The following FDFT1 variants were observed in gnomAD, a reference collection of about 807,000 sequenced individuals.
The protein encoded by FDFT1 is farnesyl-diphosphate farnesyltransferase 1.
In FDFT1, 68 loss-of-function variants were observed where a neutral mutation model predicts 46.8. The observed-to-expected ratio is 1.45, with a 90% CI of 1.19 to 1.78. The LOEUF (loss-of-function observed/expected upper bound fraction) is 1.78, where lower values mean the gene tolerates loss of function less well. FDFT1 is among the 40% of genes most tolerant of loss of function. FDFT1 has a pLI of 0.00. For synonymous variants in FDFT1, 351 were observed against 185.1 expected, an observed-to-expected ratio of 1.90 and a Z score of -7.28; for missense variants, 928 against 524.4, an observed-to-expected ratio of 1.77 and a Z score of -7.52.
At chr8:11,817,446 G>C (rs147435483) in intron 3 of FDFT1, among the ~76,000 whole-genome samples, 4 of 152,198 alleles carry the variant, frequency 2.6e-5, no homozygotes, top group Non-Finnish European at 4.4e-5. Context: ...AATGGTACCA[G>C]CTCCTCTTTG....
chr8:11,803,519 G>A (rs1470159310), intron 1 of FDFT1: 4 of 1,206,402 alleles, frequency 3.3e-6, no homozygotes, highest in Admixed American at 3.3e-5. Context: ...TTGGTGGAAG[G>A]TCAGAACTTG....
upstream of FDFT1, chr8:11,802,202 T>A: frequency 2.4e-6 from 1 of 418,492 alleles, no homozygotes; most frequent in Non-Finnish European, 4.7e-6. Context: ...TGTGCTCGGG[T>A]GTGTTACAGT....
chr8:11,820,702 C>G (rs1222719513), intron 3 of FDFT1, among the ~76,000 whole-genome samples: 1 of 152,238 alleles, frequency 6.6e-6, no homozygotes, highest in Non-Finnish European at 1.5e-5. Context: ...ATCACCTGCT[C>G]TGCCAGTTGC....
rs1301219581 is a variant in FDFT1, at chr8:11,831,921, G to A, written c.1032+251G>A. On this transcript the variant is annotated intron_variant, in intron 7 of 7. Coordinates refer to ENST00000220584, the MANE Select transcript of FDFT1 (RefSeq NM_004462.5). The stretch of plus-strand genomic sequence containing the variant: ...GGCTGTAGGTTGGAGCCCCTCAGTA[G>A]AATCATAGATTTTGAGCTGCAAGAT... 34 of 365,418 alleles carry A rather than the reference G, an allele frequency of 9.3e-5. No individual in the cohort carries two copies. In the Admixed American group the frequency reaches 1.3e-3, roughly 14 times the overall value. The allele number at this position is 365,418 out of a possible 1,614,324, so 22.6% of individuals were successfully genotyped here.
At chr8:11,834,773 C>T (rs1225198921) in intron 7 of FDFT1, among the ~76,000 whole-genome samples, 1 of 152,176 alleles carries the variant, frequency 6.6e-6, no homozygotes. Flanking sequence ...CTGTATGTAG[C>T]ACAGCATTGC....
intron 3 of FDFT1, among the ~76,000 whole-genome samples, chr8:11,818,436 GATCT>G (rs1441409141): frequency 6.6e-6 from 1 of 152,128 alleles, no homozygotes; most frequent in East Asian, 1.9e-4. Flanking sequence ...TTGTCTTGTT[GATCT>G]ATCTAATATT....
intron 4 of FDFT1, among the ~76,000 whole-genome samples, 194 bp downstream of exon 4, chr8:11,822,072 A>G (rs921451608): frequency 6.6e-6 from 1 of 152,220 alleles, no homozygotes; most frequent in Non-Finnish European, 1.5e-5. Flanking sequence ...TATGTAGGAT[A>G]TCAGCCAGGC....
chr8:11,837,816 T>C (rs1429580792), intron 7 of FDFT1, among the ~76,000 whole-genome samples: 1 of 152,054 alleles, frequency 6.6e-6, no homozygotes, highest in Non-Finnish European at 1.5e-5. Flanking sequence ...TCTCAGGCAG[T>C]AATTTTAGGG....
intron 5 of FDFT1, 23 bp from the exon 6 acceptor site, chr8:11,830,221 C>G (rs562183536): frequency 3.1e-6 from 5 of 1,598,576 alleles, no homozygotes; most frequent in Non-Finnish European, 3.4e-6. Context: ...CTGACCTGTT[C>G]CTTAATCTTC....
rs1316443317 is a variant in FDFT1, at chr8:11,809,824, C to T, written c.355C>T (p.Arg119Cys). The T allele has an allele frequency of 4.3e-6, 7 of 1,613,710 alleles. No homozygotes were observed. The highest frequency in any genetic ancestry group is 5.9e-6 in the Non-Finnish European group (7 of 1,179,780). Residue 119 changes from arginine to cysteine, a missense_variant, in exon 3 of 8, where the codon CGC (arginine) becomes TGC (cysteine). Physicochemically the swap from Arg to Cys is radical, Grantham distance 180 (BLOSUM62 -3). Transcript: ENST00000220584. ...WRFMESKEKD[R>C]QVLEDFPTIS... ...GTTCATGGAGAGCAAGGAGAAGGATCGCCAGGTGCTGGAGGACTTCCCAAC... is the reference window on the plus strand; with the variant it reads ...GTTCATGGAGAGCAAGGAGAAGGATTGCCAGGTGCTGGAGGACTTCCCAAC...
At chr8:11,803,723 ATG>A (rs1806444214) in intron 1 of FDFT1, 1 of 214,904 alleles carries the variant, frequency 4.7e-6, no homozygotes, top group East Asian at 1.4e-4. Flanking sequence ...ACAGTAGCAA[ATG>A]TGACTCAGGC....
chr8:11,801,477 G>T (rs972124616), upstream of FDFT1, among the ~76,000 whole-genome samples: 2 of 152,032 alleles, frequency 1.3e-5, no homozygotes, highest in Admixed American at 6.5e-5. Flanking sequence ...CTGCCACCAT[G>T]CCTGGCTAAT....
At chr8:11,822,939 T>A (rs534010802) in intron 4 of FDFT1, among the ~76,000 whole-genome samples, 16 of 152,350 alleles carry the variant, frequency 1.1e-4, no homozygotes, top group African/African-American at 3.8e-4. Context: ...ATAGAAGTTT[T>A]GATCAGATAA....
At chr8:11,804,953 G>T (rs1237935113) in intron 1 of FDFT1, among the ~76,000 whole-genome samples, 25 of 131,488 alleles carry the variant, frequency 1.9e-4, no homozygotes, top group Non-Finnish European at 3.1e-4. Flanking sequence ...CCATCGTCCA[G>T]GCTAGAATGC....
intron 4 of FDFT1, among the ~76,000 whole-genome samples, chr8:11,823,686 C>T (rs143708991): frequency 7.9e-5 from 12 of 152,232 alleles, no homozygotes; most frequent in African/African-American, 2.6e-4. Flanking sequence ...TCCTTGCCCT[C>T]AGCCTCCTGA....
At chr8:11,838,124 C>A (rs7832215) in intron 7 of FDFT1, among the ~76,000 whole-genome samples, 4 of 152,152 alleles carry the variant, frequency 2.6e-5, no homozygotes, top group South Asian at 4.1e-4. Context: ...GTGGCTCAGC[C>A]GCTGCTCTCG....
intron 5 of FDFT1, among the ~76,000 whole-genome samples, chr8:11,829,983 G>T (rs978524553): frequency 1.4e-4 from 21 of 152,106 alleles, no homozygotes; most frequent in African/African-American, 4.6e-4. Context: ...GAGTAGCTGG[G>T]ATTACAGGCG....
intron 3 of FDFT1, among the ~76,000 whole-genome samples, chr8:11,819,393 C>G (rs185056199): frequency 6.6e-6 from 1 of 152,140 alleles, no homozygotes; most frequent in Non-Finnish European, 1.5e-5. Flanking sequence ...GAATGTTGAC[C>G]TGCCTTGCTA....
chr8:11,803,452 C>T (rs1585850087), intron 1 of FDFT1: 10 of 1,279,972 alleles, frequency 7.8e-6, no homozygotes, highest in East Asian at 1.1e-4. Flanking sequence ...TTAAAATCGC[C>T]TATCTACGCT....
Sources: allele counts gnomAD v4.1 joint callset (sites outside exome capture counted in the v4.1 genomes callset), GRCh38; gene constraint gnomAD v4.1.1; transcripts MANE v1.5; gene names NCBI Gene and HGNC (gene_info 2026-07-23, HGNC 2026-07-21).